SPOCK3: variants seen among roughly 807,000 people sequenced by gnomAD.
SPOCK3 encodes the protein testican-3.
A neutral mutation model predicts 56.6 loss-of-function variants in SPOCK3; 30 were observed. The ratio of observed to expected loss-of-function variants is 0.53; its 90% CI spans 0.40 to 0.72. The LOEUF is 0.72. SPOCK3 is among the 30% of genes least tolerant of loss of function. The pLI is 0.00. For missense variants in SPOCK3, 527 were observed against 530.0 expected, an observed-to-expected ratio of 0.99 and a Z score of 0.06; for synonymous variants, 196 against 183.3, an observed-to-expected ratio of 1.07 and a Z score of -0.56.
chr4:166,999,096 C>T (rs924917621), intron 4 of SPOCK3, among the ~76,000 whole-genome samples: 11 of 152,148 alleles, frequency 7.2e-5, no homozygotes, highest in Non-Finnish European at 4.4e-5. Flanking sequence ...GCTAACTTTA[C>T]AGAATTGTGA....
chr4:167,019,364 A>G (rs1343224463), intron 3 of SPOCK3, among the ~76,000 whole-genome samples: 1 of 152,122 alleles, frequency 6.6e-6, no homozygotes, highest in East Asian at 1.9e-4. Flanking sequence ...TGGTAAAATG[A>G]TGCAAATTTA....
intron 9 of SPOCK3, among the ~76,000 whole-genome samples, chr4:166,740,594 C>T (rs56711230): frequency 0.24 from 36,502 of 151,178 alleles, 5,367 homozygotes; most frequent in African/African-American, 0.41. Context: ...GGTGCCATCT[C>T]GGCTCACTGC....
chr4:167,061,107 C>A (rs1358987966), intron 3 of SPOCK3, among the ~76,000 whole-genome samples: 1 of 151,758 alleles, frequency 6.6e-6, no homozygotes, highest in African/African-American at 2.4e-5. Context: ...AAATAGCATT[C>A]TTTTTTTTAT....
intron 2 of SPOCK3, among the ~76,000 whole-genome samples, chr4:167,065,584 T>C (rs919901565): frequency 2.6e-5 from 4 of 151,744 alleles, no homozygotes; most frequent in Admixed American, 1.3e-4. Context: ...GACATATATA[T>C]GATGGAAATG....
chr4:166,802,101 C>T (rs1742664042), intron 6 of SPOCK3, among the ~76,000 whole-genome samples: 1 of 151,670 alleles, frequency 6.6e-6, no homozygotes, highest in South Asian at 2.1e-4. Flanking sequence ...GTAGACAATA[C>T]ATGTACAAAA....
chr4:166,738,500 G>A (rs9998093), intron 9 of SPOCK3, among the ~76,000 whole-genome samples: 48,376 of 148,496 alleles, frequency 0.33, 8,044 homozygotes, highest in Admixed American at 0.42. Flanking sequence ...TGAAGTTTTA[G>A]GGTACACGTG....
intron 2 of SPOCK3, among the ~76,000 whole-genome samples, chr4:167,178,552 C>T (rs766401266): frequency 4.6e-5 from 7 of 152,082 alleles, no homozygotes; most frequent in Non-Finnish European, 1.0e-4. Context: ...AATTGGAATA[C>T]GTTTGTAATA....
At chr4:167,084,714 A>C (rs1024057916) in intron 2 of SPOCK3, among the ~76,000 whole-genome samples, 1 of 152,132 alleles carries the variant, frequency 6.6e-6, no homozygotes, top group African/African-American at 2.4e-5. Context: ...TTCAATTTAC[A>C]TCTTGGTGTC....
intron 6 of SPOCK3, among the ~76,000 whole-genome samples, chr4:166,808,056 G>A (rs1384331604): frequency 6.6e-6 from 1 of 152,022 alleles, no homozygotes; most frequent in East Asian, 1.9e-4. Context: ...ACCTTAACAG[G>A]GACTCAAGCT....
At chr4:166,947,387 T>C (rs1434352902) in intron 4 of SPOCK3, among the ~76,000 whole-genome samples, 5 of 152,196 alleles carry the variant, frequency 3.3e-5, no homozygotes, top group East Asian at 1.9e-4. Flanking sequence ...GCACAAATAC[T>C]GCATGATTTC....
intron 2 of SPOCK3, among the ~76,000 whole-genome samples, chr4:167,076,930 G>A (rs1026334121): frequency 3.3e-5 from 5 of 151,606 alleles, no homozygotes; most frequent in African/African-American, 7.3e-5. Flanking sequence ...ATAAATATAC[G>A]TTTACTATAA....
chr4:167,170,261 T>A (rs943764969), intron 2 of SPOCK3, among the ~76,000 whole-genome samples: 2 of 152,180 alleles, frequency 1.3e-5, no homozygotes, highest in Non-Finnish European at 2.9e-5. Flanking sequence ...TATAAAATGC[T>A]AGAAGAAAAA....
At chr4:166,884,462 A>G (rs1450892281) in intron 6 of SPOCK3, among the ~76,000 whole-genome samples, 2 of 152,230 alleles carry the variant, frequency 1.3e-5, no homozygotes, top group Non-Finnish European at 2.9e-5. Flanking sequence ...AATATTTTGC[A>G]AAATATGCAA....
intron 2 of SPOCK3, among the ~76,000 whole-genome samples, chr4:167,163,572 C>T (rs1206134431): frequency 6.6e-6 from 1 of 151,882 alleles, no homozygotes; most frequent in Admixed American, 6.6e-5. Flanking sequence ...CCCACTTTCC[C>T]CACCCCTCCC....
At chr4:167,044,589 CACAA>C (rs1215909682) in intron 3 of SPOCK3, among the ~76,000 whole-genome samples, 2 of 152,004 alleles carry the variant, frequency 1.3e-5, no homozygotes, top group South Asian at 2.1e-4. Flanking sequence ...CACTGCACGC[CACAA>C]ACAAATTTTG....
intron 3 of SPOCK3, among the ~76,000 whole-genome samples, chr4:167,036,216 G>T (rs1752738216): frequency 6.6e-6 from 1 of 152,054 alleles, no homozygotes; most frequent in Non-Finnish European, 1.5e-5. Flanking sequence ...GTATGCTTTT[G>T]CGACGTGCCA....
intron 3 of SPOCK3, among the ~76,000 whole-genome samples, chr4:167,059,903 C>CA (rs577884322): frequency 2.9e-3 from 437 of 150,054 alleles, no homozygotes; most frequent in African/African-American, 9.8e-3. Flanking sequence ...ATCGCAAGAA[C>CA]AAAAAACCAA....
chr4:166,863,008 A>G (rs1196628179), intron 6 of SPOCK3, among the ~76,000 whole-genome samples: 1 of 152,106 alleles, frequency 6.6e-6, no homozygotes, highest in African/African-American at 2.4e-5. Flanking sequence ...GGGCAGCCAG[A>G]GAGAAAGGTC....
chr4:167,156,432 A>C (rs2629386), intron 2 of SPOCK3, among the ~76,000 whole-genome samples: 152,082 of 152,272 alleles, frequency 1, 75,947 homozygotes, highest in Non-Finnish European at 1. Context: ...TACACATGCA[A>C]AACTTAATCT....
Sources: allele counts gnomAD v4.1 joint callset (sites outside exome capture counted in the v4.1 genomes callset), GRCh38; gene constraint gnomAD v4.1.1; transcripts MANE v1.5; gene names NCBI Gene and HGNC (gene_info 2026-07-23, HGNC 2026-07-21).